IGSF21: variants seen among roughly 807,000 people sequenced by gnomAD.
IGSF21 encodes immunoglobulin superfamily member 21.
In IGSF21, 28 loss-of-function variants were observed where a neutral mutation model predicts 46.8. The observed-to-expected ratio is 0.60, with a 90% CI of 0.44 to 0.82. The LOEUF (loss-of-function observed/expected upper bound fraction) is 0.82. IGSF21 is among the 40% of genes least tolerant of loss of function. IGSF21 has a pLI of 0.00. For synonymous variants in IGSF21, 284 were observed against 273.6 expected, an observed-to-expected ratio of 1.04 and a Z score of -0.38; for missense variants, 624 against 665.5, an observed-to-expected ratio of 0.94 and a Z score of 0.69.
At chr1:18,254,278 AAGTC>A (rs2084869106) in intron 2 of IGSF21, among the ~76,000 whole-genome samples, 2 of 152,074 alleles carry the variant, frequency 1.3e-5, no homozygotes, top group Non-Finnish European at 2.9e-5. Flanking sequence ...TCATTCCTTG[AAGTC>A]CAGAGGCCCC....
intron 5 of IGSF21, among the ~76,000 whole-genome samples, chr1:18,364,808 G>C (rs1189969139): frequency 1.3e-5 from 2 of 152,036 alleles, no homozygotes; most frequent in African/African-American, 4.8e-5. Context: ...CTCATCCCCA[G>C]GACCTCCCTG....
chr1:18,121,315 G>A (rs766600251), intron 1 of IGSF21, among the ~76,000 whole-genome samples: 2 of 152,134 alleles, frequency 1.3e-5, no homozygotes, highest in Non-Finnish European at 2.9e-5. Flanking sequence ...GGAGTAGCTG[G>A]CTTCTACGTG....
intron 2 of IGSF21, among the ~76,000 whole-genome samples, chr1:18,256,999 C>T (rs1027018722): frequency 2.0e-5 from 3 of 152,166 alleles, no homozygotes; most frequent in Admixed American, 1.3e-4. Flanking sequence ...TCCTCTTCTC[C>T]TCTCAAACCC....
intron 3 of IGSF21, among the ~76,000 whole-genome samples, chr1:18,299,559 T>C (rs1409930479): frequency 2.0e-5 from 3 of 152,160 alleles, no homozygotes; most frequent in Non-Finnish European, 2.9e-5. Context: ...CATGAAGTGG[T>C]CATTCATTTA....
At chr1:18,369,797 T>G (rs2086206361) in intron 6 of IGSF21, among the ~76,000 whole-genome samples, 1 of 152,160 alleles carries the variant, frequency 6.6e-6, no homozygotes, top group South Asian at 2.1e-4. Context: ...ATGCCACCCC[T>G]CCAGGAAGAT....
At chr1:18,213,279 A>G (rs6684062) in intron 1 of IGSF21, among the ~76,000 whole-genome samples, 76,214 of 152,028 alleles carry the variant, frequency 0.5, 19,492 homozygotes, top group Non-Finnish European at 0.54. Flanking sequence ...GCAATGCATT[A>G]GTGGAATGTA....
intron 3 of IGSF21, among the ~76,000 whole-genome samples, chr1:18,310,095 G>A (rs1471777218): frequency 1.3e-5 from 2 of 152,118 alleles, no homozygotes; most frequent in South Asian, 2.1e-4. Context: ...TCAACACCCC[G>A]CCATCCCCAG....
intron 9 of IGSF21, 88 bp from the exon 10 acceptor site, chr1:18,378,168 G>A (rs1437121086): frequency 2.8e-6 from 3 of 1,084,300 alleles, no homozygotes; most frequent in African/African-American, 3.1e-5. Flanking sequence ...CTGAAATCCA[G>A]CGTCTTTGTT....
chr1:18,178,552 A>C (rs180921785), intron 1 of IGSF21, among the ~76,000 whole-genome samples: 2 of 152,372 alleles, frequency 1.3e-5, no homozygotes, highest in East Asian at 3.9e-4. Context: ...TGCATAGAAC[A>C]GTGCCAGGTG....
At chr1:18,142,295 G>A (rs1455913) in intron 1 of IGSF21, among the ~76,000 whole-genome samples, 32,723 of 152,020 alleles carry the variant, frequency 0.22, 4,388 homozygotes, top group East Asian at 0.52. Flanking sequence ...TAGGAGGCTC[G>A]TCTCCATTTT....
intron 7 of IGSF21, among the ~76,000 whole-genome samples, 192 bp downstream of exon 7, chr1:18,376,587 TTC>T (rs1284970482): frequency 1.3e-5 from 2 of 152,188 alleles, no homozygotes; most frequent in Non-Finnish European, 2.9e-5. Flanking sequence ...GCATGCATGT[TTC>T]ACACCTTCTA....
chr1:18,186,073 G>T (rs1023528059), intron 1 of IGSF21, among the ~76,000 whole-genome samples: 1 of 152,196 alleles, frequency 6.6e-6, no homozygotes, highest in Non-Finnish European at 1.5e-5. Flanking sequence ...TGAGGTGAGT[G>T]ATGAGCTGGG....
chr1:18,255,452 C>G (rs897182972), intron 2 of IGSF21, among the ~76,000 whole-genome samples: 13 of 152,154 alleles, frequency 8.5e-5, no homozygotes, highest in Non-Finnish European at 1.9e-4. Flanking sequence ...ACACAGATGA[C>G]AAAATAAAGG....
chr1:18,252,207 T>C (rs6699446), intron 2 of IGSF21, among the ~76,000 whole-genome samples: 53,282 of 151,576 alleles, frequency 0.35, 9,837 homozygotes, highest in African/African-American at 0.47. Context: ...CCTGCCACCA[T>C]GCCCGGCTAA....
chr1:18,227,449 G>A (rs370188350), intron 1 of IGSF21, among the ~76,000 whole-genome samples: 3 of 151,840 alleles, frequency 2.0e-5, no homozygotes, highest in Non-Finnish European at 4.4e-5. Flanking sequence ...AATACATTTC[G>A]GCATTCATTT....
At chr1:18,309,020 T>A (rs1557636978) in intron 3 of IGSF21, among the ~76,000 whole-genome samples, 2 of 152,124 alleles carry the variant, frequency 1.3e-5, no homozygotes, top group African/African-American at 4.8e-5. Flanking sequence ...AAGGAGGGGA[T>A]GCAGCTCTGC....
rs1345784195 is a variant in IGSF21 at position 18,335,579 on chromosome 1, A to G, written c.424+569A>G. On this transcript the variant is annotated intron_variant, in intron 4 of 9. Transcript: ENST00000251296. The surrounding 1 kb of genome is among the most constrained non-coding windows in gnomAD (Gnocchi z 4.8). ...CAGTTTTCCCATGTGTAAAACAAGA[A>G]TGCTGCTCTGCACGTTCTCAGAAGC... 1.3e-5 allele frequency among the ~76,000 whole-genome samples: 2 copies of G among 152,156 alleles called. No homozygotes were observed. Among genetic ancestry groups the G allele is most frequent in the Non-Finnish European group, 1.5e-5 (1 of 68,032 alleles).
chr1:18,172,986 CA>C (rs890527508), intron 1 of IGSF21, among the ~76,000 whole-genome samples: 1 of 152,116 alleles, frequency 6.6e-6, no homozygotes, highest in African/African-American at 2.4e-5. Flanking sequence ...AAATTTTTCA[CA>C]TTTTAAAAAA....
chr1:18,260,570 A>G (rs978602440), intron 2 of IGSF21, among the ~76,000 whole-genome samples: 3 of 152,310 alleles, frequency 2.0e-5, no homozygotes, highest in East Asian at 3.9e-4. Context: ...TTTCAATTAC[A>G]TGCAAATTAA....
Sources: allele counts gnomAD v4.1 joint callset (sites outside exome capture counted in the v4.1 genomes callset), GRCh38; gene constraint gnomAD v4.1.1; non-coding constraint Gnocchi (gnomAD v3.1); transcripts MANE v1.5; gene names NCBI Gene and HGNC (gene_info 2026-07-23, HGNC 2026-07-21).